TAFA2: variants seen among roughly 807,000 people sequenced by gnomAD.
TAFA2 encodes the protein TAFA chemokine like family member 2, also known as chemokine-like protein TAFA-2.
Under a neutral mutation model 18.8 loss-of-function variants are expected in TAFA2, and 7 were observed. The observed-to-expected ratio is 0.37, with a 90% CI of 0.21 to 0.70. TAFA2 has a LOEUF of 0.70. Ranked by LOEUF, TAFA2 falls within the 30% of genes least tolerant of loss-of-function variation. The pLI, the probability that TAFA2 is intolerant of heterozygous loss-of-function variation, is 0.53. For missense variants in TAFA2, 122 were observed against 158.1 expected (o/e 0.77, Z 1.23); for synonymous variants, 60 against 54.2 (o/e 1.11, Z -0.47).
chr12:62,050,516 G>A (rs893307871), intron 1 of TAFA2, among the ~76,000 whole-genome samples: 1 of 151,550 alleles, frequency 6.6e-6, no homozygotes, highest in African/African-American at 2.4e-5. Flanking sequence ...AGCTTGCAGT[G>A]AGCCGAGATA....
intron 1 of TAFA2, among the ~76,000 whole-genome samples, chr12:61,991,558 A>C (rs1162690307): frequency 2.6e-5 from 4 of 152,226 alleles, no homozygotes; most frequent in Non-Finnish European, 4.4e-5. Flanking sequence ...TCTAATATGA[A>C]TGCTACATTT....
At chr12:62,114,565 A>G (rs1869877905) in intron 1 of TAFA2, among the ~76,000 whole-genome samples, 1 of 152,188 alleles carries the variant, frequency 6.6e-6, no homozygotes, top group Admixed American at 6.6e-5. Context: ...TTAACTAAGA[A>G]CAATGTTTAT....
intron 1 of TAFA2, among the ~76,000 whole-genome samples, chr12:61,886,601 C>G (rs1462955274): frequency 6.6e-6 from 1 of 152,180 alleles, no homozygotes; most frequent in Non-Finnish European, 1.5e-5. Context: ...ACTGGGTCCG[C>G]AGAGTGGCAA....
intron 2 of TAFA2, among the ~76,000 whole-genome samples, chr12:61,763,926 C>G (rs1329174530): frequency 6.6e-6 from 1 of 151,520 alleles, no homozygotes; most frequent in Admixed American, 6.6e-5. Context: ...CCTTTTTTTT[C>G]GTGAGGTAAC....
At chr12:61,908,316 G>C (rs1447089694) in intron 1 of TAFA2, among the ~76,000 whole-genome samples, 1 of 152,080 alleles carries the variant, frequency 6.6e-6, no homozygotes, top group Non-Finnish European at 1.5e-5. Flanking sequence ...TCTCATGATA[G>C]TGAATAAATG....
At chr12:62,068,476 A>G (rs1265651595) in intron 1 of TAFA2, among the ~76,000 whole-genome samples, 1 of 152,142 alleles carries the variant, frequency 6.6e-6, no homozygotes, top group African/African-American at 2.4e-5. Flanking sequence ...GCTAAACATT[A>G]GAAAACTTAA....
At chr12:62,081,081 G>C (rs148217058) in intron 1 of TAFA2, among the ~76,000 whole-genome samples, 159 of 151,560 alleles carry the variant, frequency 1.0e-3, no homozygotes, top group African/African-American at 3.5e-3. Context: ...TGTAGTCCCA[G>C]CTACTCGGGA....
intron 2 of TAFA2, among the ~76,000 whole-genome samples, chr12:61,861,242 G>A (rs1353084573): frequency 2.0e-5 from 3 of 148,710 alleles, no homozygotes; most frequent in Non-Finnish European, 4.4e-5. Context: ...ATAGGCCACT[G>A]TGCCTGGCCT....
intron 1 of TAFA2, among the ~76,000 whole-genome samples, chr12:61,870,031 A>G (rs1459667869): frequency 6.6e-6 from 1 of 152,202 alleles, no homozygotes; most frequent in Non-Finnish European, 1.5e-5. Context: ...CAATGGGATG[A>G]CAGAACTGAC....
chr12:62,038,064 G>C (rs1881657047), intron 1 of TAFA2, among the ~76,000 whole-genome samples: 1 of 152,124 alleles, frequency 6.6e-6, no homozygotes, highest in Admixed American at 6.6e-5. Context: ...CAAATACACA[G>C]AGAGAAATTA....
chr12:61,716,327 A>G (rs936370371), intron 4 of TAFA2, among the ~76,000 whole-genome samples: 1 of 152,134 alleles, frequency 6.6e-6, no homozygotes, highest in Non-Finnish European at 1.5e-5. Context: ...AAGGATACAT[A>G]TTTAGGAAGT....
chr12:61,751,768 A>G (rs1869026593), intron 4 of TAFA2, among the ~76,000 whole-genome samples: 1 of 151,986 alleles, frequency 6.6e-6, no homozygotes, highest in Non-Finnish European at 1.5e-5. Flanking sequence ...GTTTCATTAC[A>G]TTTGGAAGAA....
intron 4 of TAFA2, among the ~76,000 whole-genome samples, chr12:61,747,028 A>G (rs1172743866): frequency 6.6e-6 from 1 of 152,114 alleles, no homozygotes; most frequent in Non-Finnish European, 1.5e-5. Context: ...CAAGAAAAAA[A>G]CAAACAACCC....
At chr12:61,776,861 C>T (rs1330911805) in intron 2 of TAFA2, among the ~76,000 whole-genome samples, 3 of 151,782 alleles carry the variant, frequency 2.0e-5, no homozygotes, top group Non-Finnish European at 2.9e-5. Flanking sequence ...TAAGTAATAT[C>T]TCTTAAATAT....
intron 1 of TAFA2, among the ~76,000 whole-genome samples, chr12:61,986,982 G>A (rs1879842253): frequency 6.6e-6 from 1 of 152,078 alleles, no homozygotes; most frequent in African/African-American, 2.4e-5. Context: ...GACTTCGGCT[G>A]GCTCACATCT....
intron 1 of TAFA2, among the ~76,000 whole-genome samples, chr12:62,224,935 A>G (rs1254305442): frequency 1.3e-5 from 2 of 152,166 alleles, no homozygotes; most frequent in African/African-American, 4.8e-5. Context: ...TTTCTGAAAA[A>G]GAAGAGCATT....
At chr12:61,718,424 C>T (rs145127453) in intron 4 of TAFA2, among the ~76,000 whole-genome samples, 1 of 152,268 alleles carries the variant, frequency 6.6e-6, no homozygotes, top group South Asian at 2.1e-4. Context: ...TTTGTTAAGA[C>T]AAGACTTTGC....
intron 1 of TAFA2, among the ~76,000 whole-genome samples, chr12:62,031,665 G>A (rs1440795824): frequency 6.6e-6 from 1 of 151,976 alleles, no homozygotes; most frequent in Non-Finnish European, 1.5e-5. Flanking sequence ...ACATTTACCT[G>A]TATATATATA....
intron 2 of TAFA2, among the ~76,000 whole-genome samples, chr12:61,756,967 A>T (rs1869302867): frequency 6.6e-6 from 1 of 152,112 alleles, no homozygotes; most frequent in Non-Finnish European, 1.5e-5. Flanking sequence ...AACAATTGAA[A>T]GTTTGAGGGC....
Sources: allele counts gnomAD v4.1 joint callset (sites outside exome capture counted in the v4.1 genomes callset), GRCh38; gene constraint gnomAD v4.1.1; transcripts MANE v1.5; gene names NCBI Gene and HGNC (gene_info 2026-07-23, HGNC 2026-07-21).